Variants in RGL1 observed in about 807,000 individuals in gnomAD.
RGL1 encodes the protein ral guanine nucleotide dissociation stimulator like 1.
Under a neutral mutation model 95.2 loss-of-function variants are expected in RGL1, and 24 were observed. That is an observed-to-expected ratio of 0.25 (90% confidence interval 0.18 to 0.35). The LOEUF is 0.35. RGL1 is among the 10% of genes least tolerant of loss of function. RGL1 has a pLI of 1.00. For synonymous variants in RGL1, 329 were observed against 344.9 expected (o/e 0.95, Z 0.51); for missense variants, 715 against 936.3 (o/e 0.76, Z 3.08).
Position 183,805,214 on chromosome 1 carries a change from G to C in RGL1, c.-84G>C. ...GGGACCGGGACCGGGGCGAGGCGCC[G>C]CGGGGCTGAGCCCAGCAGACATTGC... On this transcript the variant is annotated 5_prime_UTR_variant, in exon 1 of 18. Coordinates refer to ENST00000360851, the MANE Select transcript of RGL1 (RefSeq NM_001297671.3). 1 of 1,564,294 alleles carries C rather than the reference G, an allele frequency of 6.4e-7. No individual in the cohort carries two copies. The highest frequency in any genetic ancestry group is 8.7e-7 in the Non-Finnish European group (1 of 1,155,016).
intron 2 of RGL1, among the ~76,000 whole-genome samples, chr1:183,813,245 G>T (rs995099140): frequency 1.3e-5 from 2 of 152,178 alleles, no homozygotes; most frequent in Admixed American, 6.5e-5. Context: ...CAAAGAGCAG[G>T]TCAGCAAAAG....
chr1:183,841,771 T>C (rs1664077164), intron 2 of RGL1, among the ~76,000 whole-genome samples: 3 of 152,150 alleles, frequency 2.0e-5, no homozygotes, highest in Non-Finnish European at 4.4e-5. Flanking sequence ...TTGAGTAATA[T>C]GGAGAGATGA....
intron 3 of RGL1, among the ~76,000 whole-genome samples, chr1:183,851,001 G>A (rs188247963): frequency 9.2e-5 from 14 of 152,226 alleles, no homozygotes; most frequent in Admixed American, 2.6e-4. Context: ...GGAGTGTTTA[G>A]TCTATGACTC....
chr1:183,661,060 G>A (rs545819254), intron 1 of RGL1, among the ~76,000 whole-genome samples: 1,954 of 152,158 alleles, frequency 0.013, 51 homozygotes, highest in African/African-American at 0.045. Context: ...TCAAAGCAGT[G>A]TGTAGAGGGA....
intron 1 of RGL1, among the ~76,000 whole-genome samples, chr1:183,668,003 A>ATATGTGTG (rs1257587933): frequency 1.3e-3 from 180 of 135,248 alleles, no homozygotes; most frequent in African/African-American, 4.7e-3. Flanking sequence ...GCTTATATAT[A>ATATGTGTG]TGTGTGTGTG....
intron 2 of RGL1, among the ~76,000 whole-genome samples, chr1:183,763,095 T>C (rs959359409): frequency 6.6e-6 from 1 of 152,152 alleles, no homozygotes; most frequent in Non-Finnish European, 1.5e-5. Context: ...TGCAGGGACA[T>C]GGATGAAGCT....
chr1:183,879,820 C>T (rs1222542036), intron 4 of RGL1, among the ~76,000 whole-genome samples: 2 of 152,182 alleles, frequency 1.3e-5, no homozygotes, highest in Non-Finnish European at 2.9e-5. Flanking sequence ...AGTGGGTGCC[C>T]CAACCTAAAG....
At chr1:183,725,022 T>TCC (rs1168071865) in intron 1 of RGL1, among the ~76,000 whole-genome samples, 5 of 151,964 alleles carry the variant, frequency 3.3e-5, no homozygotes, top group African/African-American at 4.8e-5. Context: ...AGAAACGGAC[T>TCC]CTGTTTCTTT....
chr1:183,778,319 G>T (rs1216987697), intron 2 of RGL1, among the ~76,000 whole-genome samples: 1 of 152,182 alleles, frequency 6.6e-6, no homozygotes, highest in African/African-American at 2.4e-5. Context: ...AAGGGGCTCT[G>T]TACTATAGGA....
intron 3 of RGL1, among the ~76,000 whole-genome samples, chr1:183,861,261 G>A (rs886258250): frequency 2.0e-5 from 3 of 152,072 alleles, no homozygotes; most frequent in Non-Finnish European, 2.9e-5. Flanking sequence ...AGGATCACCC[G>A]CCTCCTGATC....
intron 2 of RGL1, chr1:183,742,382 C>A: frequency 6.9e-7 from 1 of 1,442,802 alleles, no homozygotes. Flanking sequence ...CACAGGCCAG[C>A]TTGGCAAATC....
chr1:183,696,050 T>A (rs962806037), intron 1 of RGL1, among the ~76,000 whole-genome samples: 10 of 152,286 alleles, frequency 6.6e-5, no homozygotes, highest in African/African-American at 2.4e-4. Flanking sequence ...CCTGAAAATA[T>A]TCATTTTTCC....
chr1:183,906,747 A>G (rs535950212), intron 13 of RGL1, among the ~76,000 whole-genome samples: 7 of 151,836 alleles, frequency 4.6e-5, no homozygotes, highest in Non-Finnish European at 8.8e-5. Context: ...CAAAGTGCAT[A>G]TATCCTTGTA....
chr1:183,867,414 C>G (rs1038829281), intron 4 of RGL1, among the ~76,000 whole-genome samples: 1 of 152,154 alleles, frequency 6.6e-6, no homozygotes, highest in African/African-American at 2.4e-5. Flanking sequence ...GAGTGACCAA[C>G]TCCCTCCAGT....
chr1:183,885,245 G>C (rs1667049370), intron 7 of RGL1, among the ~76,000 whole-genome samples: 1 of 152,166 alleles, frequency 6.6e-6, no homozygotes, highest in Non-Finnish European at 1.5e-5. Context: ...TTCACGACAA[G>C]ACTGAGTGTT....
chr1:183,909,832 A>G (rs1216578364), intron 14 of RGL1, among the ~76,000 whole-genome samples: 1 of 151,936 alleles, frequency 6.6e-6, no homozygotes, highest in Non-Finnish European at 1.5e-5. Context: ...CCCTCCTTTT[A>G]CCACTACTTG....
chr1:183,745,984 G>A (rs1311192829), intron 2 of RGL1, among the ~76,000 whole-genome samples: 1 of 150,800 alleles, frequency 6.6e-6, no homozygotes, highest in Non-Finnish European at 1.5e-5. Flanking sequence ...TTTGCTGTAG[G>A]ATTTTGATAA....
intron 2 of RGL1, among the ~76,000 whole-genome samples, chr1:183,770,977 A>G (rs76235852): frequency 0.012 from 1,883 of 152,272 alleles, 47 homozygotes; most frequent in African/African-American, 0.044. Flanking sequence ...ACCATACTGC[A>G]GTAAGCATTG....
chr1:183,824,299 G>A (rs1378772089), intron 2 of RGL1, among the ~76,000 whole-genome samples: 1 of 152,066 alleles, frequency 6.6e-6, no homozygotes, highest in Non-Finnish European at 1.5e-5. Context: ...CATCACATCT[G>A]CTTCTCCTTT....
Sources: gnomAD v4.1 joint callset for allele counts (sites outside exome capture counted in the v4.1 genomes callset) on GRCh38, gnomAD v4.1.1 for gene constraint, MANE v1.5 for transcripts, NCBI Gene and HGNC (gene_info 2026-07-23, HGNC 2026-07-21) for gene names.